MAP3K20: variants seen among roughly 807,000 people sequenced by gnomAD.
MAP3K20 encodes mitogen-activated protein kinase kinase kinase 20.
A neutral mutation model predicts 85.7 loss-of-function variants in MAP3K20; 40 were observed. The observed-to-expected ratio is 0.47, with a 90% CI of 0.36 to 0.61. MAP3K20 has a LOEUF of 0.61. Among genes scored for constraint, MAP3K20 ranks in the 20% least tolerant of loss-of-function variants. The probability of loss-of-function intolerance (pLI) is 0.00; values close to 1 mark genes in which losing one functional copy is unlikely to be tolerated. For missense variants in MAP3K20, 817 were observed against 961.7 expected, an observed-to-expected ratio of 0.85 and a Z score of 1.99; for synonymous variants, 325 against 327.7, an observed-to-expected ratio of 0.99 and a Z score of 0.09.
At chr2:173,093,636 A>AT in intron 2 of MAP3K20, among the ~76,000 whole-genome samples, 1 of 152,280 alleles carries the variant, frequency 6.6e-6, no homozygotes, top group South Asian at 2.1e-4. Flanking sequence ...ATTTAAAAAA[A>AT]TTTTTATATA....
rs147925341 is a variant in MAP3K20, at chr2:173,138,180, A to G, written c.160-31625A>G. Among the ~76,000 whole-genome samples the G allele has an allele frequency of 5.9e-3, 900 of 152,220 alleles. 6 individuals carry two copies. Among genetic ancestry groups the G allele is most frequent in the African/African-American group, 0.02 (850 of 41,516 alleles). ...GAGACGGGGTTTCATTATGTTAGCC[A>G]AAGTGATCTTGAATTCCTGACCTCG... On this transcript the variant is annotated intron_variant, in intron 2 of 19. Coordinates refer to ENST00000375213, the MANE Select transcript of MAP3K20 (RefSeq NM_016653.3).
Position 173,122,687 on chromosome 2 carries a change from A to G in MAP3K20, c.159+31497A>G, listed in dbSNP as rs541392510. 3.3e-5 allele frequency among the ~76,000 whole-genome samples: 5 copies of G among 152,264 alleles called. No homozygotes were observed. The South Asian group carries it at 8.3e-4, about 25-fold the overall frequency. ...TGTTGTTGTTGTTGTTATATAGATT[A>G]TACAGTATTGTAGTAAACTGCATAC... is the stretch of plus-strand genomic sequence containing the variant. On this transcript the variant is annotated intron_variant, in intron 2 of 19. Coordinates refer to ENST00000375213, the MANE Select transcript of MAP3K20 (RefSeq NM_016653.3).
chr2:173,127,771 A>G (rs1434694124), intron 2 of MAP3K20, among the ~76,000 whole-genome samples: 1 of 151,976 alleles, frequency 6.6e-6, no homozygotes, highest in East Asian at 1.9e-4. Context: ...AGGCTGCCCC[A>G]TAATTCATGC....
intron 15 of MAP3K20, among the ~76,000 whole-genome samples, chr2:173,239,080 G>A (rs1207582626): frequency 6.6e-6 from 1 of 152,148 alleles, no homozygotes; most frequent in African/African-American, 2.4e-5. Flanking sequence ...GTGAACCTCT[G>A]AAGTTGAAAT....
intron 10 of MAP3K20, among the ~76,000 whole-genome samples, chr2:173,213,850 A>T (rs1440235106): frequency 6.6e-6 from 1 of 152,222 alleles, no homozygotes; most frequent in Non-Finnish European, 1.5e-5. Flanking sequence ...CTAACTCAAT[A>T]TGTAAACTGC....
chr2:173,133,133 A>G (rs1688664105), intron 2 of MAP3K20, among the ~76,000 whole-genome samples: 1 of 152,230 alleles, frequency 6.6e-6, no homozygotes, highest in African/African-American at 2.4e-5. Context: ...AGTATGGTGA[A>G]GAATGTGTAT....
At position 173,261,114 on chromosome 2, in the gene MAP3K20, G is replaced by A. The variant is rs761667073; in HGVS notation, c.1528G>A (p.Val510Met). Residue 510 changes from valine (V) to methionine (M), a missense_variant, in exon 18 of 20, where the codon GTG becomes ATG. Coordinates refer to ENST00000375213, the MANE Select transcript of MAP3K20 (RefSeq NM_016653.3). ...TGTAGGAATAGCAAAAAGTCAGACT[G>A]TGGAGTGCACTGTCACATATGAGGT... Reference protein sequence around the residue: ...WIVGIAKSQTVECTVTYESDV... With the variant: ...WIVGIAKSQTMECTVTYESDV... The A allele has an allele frequency of 1.9e-6, 3 of 1,613,688 alleles. No individual in the cohort carries two copies. Among genetic ancestry groups the A allele is most frequent in the Middle Eastern group, 1.7e-4 (1 of 6,056 alleles).
intron 10 of MAP3K20, chr2:173,215,961 AC>A (rs1383198541): frequency 6.6e-6 from 1 of 152,242 alleles, no homozygotes; most frequent in Non-Finnish European, 1.5e-5. Flanking sequence ...CCTCAGTGGC[AC>A]CTGGAAGCAG....
chr2:173,253,168 A>G (rs1426621024), intron 16 of MAP3K20, among the ~76,000 whole-genome samples: 4 of 152,060 alleles, frequency 2.6e-5, no homozygotes, highest in Non-Finnish European at 4.4e-5. Flanking sequence ...CCTGCCCATC[A>G]AAGCTACCTT....
intron 2 of MAP3K20, among the ~76,000 whole-genome samples, chr2:173,147,768 G>A (rs764775191): frequency 1.3e-5 from 2 of 152,024 alleles, no homozygotes; most frequent in African/African-American, 4.8e-5. Flanking sequence ...TGTATTTTTA[G>A]TAGAGACAGG....
At chr2:173,075,755 C>T, upstream of MAP3K20, 1 of 985,402 alleles carries the variant, frequency 1.0e-6, no homozygotes, top group Middle Eastern at 5.2e-4. Flanking sequence ...GAGCGCCTTC[C>T]CCACGCCCCG....
intron 11 of MAP3K20, among the ~76,000 whole-genome samples, chr2:173,218,080 G>C (rs1001462295): frequency 1.1e-4 from 17 of 152,106 alleles, no homozygotes; most frequent in African/African-American, 4.1e-4. Flanking sequence ...AGTAATGGTA[G>C]ATTAAAAGTA....
intron 2 of MAP3K20, among the ~76,000 whole-genome samples, chr2:173,104,058 C>A (rs558990349): frequency 6.6e-6 from 1 of 152,156 alleles, no homozygotes; most frequent in South Asian, 2.1e-4. Flanking sequence ...AATGGTATGT[C>A]AACACATTAG....
chr2:173,192,113 A>G (rs953663245), intron 7 of MAP3K20, among the ~76,000 whole-genome samples: 22 of 151,114 alleles, frequency 1.5e-4, no homozygotes, highest in African/African-American at 5.3e-4. Flanking sequence ...TGTTTATACT[A>G]TTACTTCCTA....
chr2:173,080,017 C>T (rs1274089442), intron 1 of MAP3K20, among the ~76,000 whole-genome samples: 1 of 151,900 alleles, frequency 6.6e-6, no homozygotes, highest in East Asian at 1.9e-4. Context: ...TTGTATGTGC[C>T]GTACCTTTAT....
chr2:173,197,337 T>C lies in MAP3K20; in HGVS notation c.583-689T>C, dbSNP rs138889554. ...ACTGATCTCAAGAACTGCACAAAGA[T>C]GAACACACACATAAGCTCACTTTCA... On this transcript the variant is annotated intron_variant, in intron 7 of 19. Transcript: ENST00000375213. 1.9e-3 allele frequency among the ~76,000 whole-genome samples: 284 copies of C among 152,312 alleles called. 2 individuals are homozygous for C. Among genetic ancestry groups the C allele is most frequent in the African/African-American group, 6.5e-3 (269 of 41,582 alleles).
chr2:173,248,248 G>C (rs995943209), intron 16 of MAP3K20, among the ~76,000 whole-genome samples: 1 of 152,106 alleles, frequency 6.6e-6, no homozygotes, highest in Non-Finnish European at 1.5e-5. Flanking sequence ...CATTTTACAA[G>C]TTCTCACGGT....
Position 173,181,798 on chromosome 2 carries a change from A to C in MAP3K20, c.248-1056A>C, listed in dbSNP as rs901804734. ...CGCAGTGGCTCAAGCCTGTAATCCC[A>C]GCACTTTGGGAGGCTGAGACAGGTG... On this transcript the variant is annotated intron_variant, in intron 3 of 19. Coordinates refer to ENST00000375213, the MANE Select transcript of MAP3K20 (RefSeq NM_016653.3). Among the ~76,000 whole-genome samples the C allele has an allele frequency of 9.9e-4, 150 of 151,974 alleles. 1 individual carries two copies. The highest frequency in any genetic ancestry group is 3.6e-3 in the African/African-American group (148 of 41,432).
chr2:173,226,335 T>C (rs1684387362), intron 11 of MAP3K20: 7 of 984,798 alleles, frequency 7.1e-6, no homozygotes, highest in Non-Finnish European at 8.4e-6. Flanking sequence ...ATTAATACTT[T>C]AAAAAATTAT....
Sources: gnomAD v4.1 joint callset for allele counts (sites outside exome capture counted in the v4.1 genomes callset) on GRCh38, gnomAD v4.1.1 for gene constraint, MANE v1.5 for transcripts, NCBI Gene and HGNC (gene_info 2026-07-23, HGNC 2026-07-21) for gene names.